IMPG2: variants seen among roughly 807,000 people sequenced by gnomAD.
IMPG2 encodes the protein interphotoreceptor matrix proteoglycan 2, also known as IPM 200.
Under a neutral mutation model 129.2 loss-of-function variants are expected in IMPG2, and 91 were observed. The ratio of observed to expected loss-of-function variants is 0.70; its 90% CI spans 0.59 to 0.84. IMPG2 has a LOEUF of 0.84. IMPG2 is among the 40% of genes least tolerant of loss of function. IMPG2 has a pLI of 0.00. For missense variants in IMPG2, 1,430 were observed against 1,461.7 expected (o/e 0.98, Z 0.35); for synonymous variants, 510 against 517.7 (o/e 0.99, Z 0.20).
chr3:101,291,450 C>A, intron 4 of IMPG2, 29 bp downstream of exon 4: 2 of 1,599,364 alleles, frequency 1.3e-6, no homozygotes, highest in Non-Finnish European at 1.7e-6. Flanking sequence ...TGTTGCCAAA[C>A]ATGAATTTTG....
In IMPG2 at chr3:101,243,631, C is replaced by T. The variant is rs200353662; in HGVS notation, c.2700G>A (p.Val900=). 9.5e-5 allele frequency: 154 copies of T among 1,613,908 alleles called. No individual in the cohort carries two copies. Among genetic ancestry groups the T allele is most frequent in the Middle Eastern group, 1.6e-4 (1 of 6,062 alleles). ...TAGTCACTCGGAGGCTGAAGAAAAC[C>T]ACCAAAGCTCCTGAAGTCTGGGTAT... ...LSYTQTSGAL[V]VFFSLRVTNM... The change falls in exon 13 of 19, where the codon GTG becomes GTA. Residue 900 remains valine (V), a synonymous_variant. Coordinates refer to ENST00000193391, the MANE Select transcript of IMPG2 (RefSeq NM_016247.4).
In IMPG2 at chr3:101,319,631, CTT is replaced by C; in HGVS notation, c.285_286del (p.Ser96CysfsTer13). On this transcript the variant is annotated frameshift_variant, in exon 2 of 19. Coordinates refer to ENST00000193391, the MANE Select transcript of IMPG2 (RefSeq NM_016247.4). LOFTEE classifies it high-confidence loss of function. ...ATGATTTGCCACAGCCTCTGCAACA[CTT>C]TCATCTGGGCAGATTTTCACTCCAT... 1 of 1,613,778 alleles carries C rather than the reference CTT, an allele frequency of 6.2e-7. No individual in the cohort carries two copies. The highest frequency in any genetic ancestry group is 8.5e-7 in the Non-Finnish European group (1 of 1,179,808).
chr3:101,303,176 A>G (rs186949999), intron 3 of IMPG2, among the ~76,000 whole-genome samples: 1 of 152,324 alleles, frequency 6.6e-6, no homozygotes, highest in African/African-American at 2.4e-5. Flanking sequence ...TATAAATTGT[A>G]CCAAGTAAAA....
intron 14 of IMPG2, among the ~76,000 whole-genome samples, chr3:101,236,700 C>A (rs1411306496): frequency 6.6e-6 from 1 of 152,186 alleles, no homozygotes; most frequent in Non-Finnish European, 1.5e-5. Flanking sequence ...GTCTTCGTAA[C>A]CTGCAGACCA....
rs145388804 is a variant in IMPG2 at position 101,319,753 on chromosome 3, G to T, written c.165C>A (p.Asp55Glu). 1.2e-6 allele frequency: 2 copies of T among 1,613,578 alleles called. No homozygotes were observed. The change falls in exon 2 of 19, where the codon GAC (aspartate) becomes GAA (glutamate). Residue 55 changes from aspartate (D) to glutamate (E), a missense_variant. Physicochemically the swap from Asp to Glu is conservative, Grantham distance 45. Transcript: ENST00000193391. ...GTTTCTTTTTGGTAGCTAGAGAAAGGTCTGTTGATTCTTCAGGCAGGAGAA... is the reference window on the plus strand; with the variant it reads ...GTTTCTTTTTGGTAGCTAGAGAAAGTTCTGTTGATTCTTCAGGCAGGAGAA... ...VSFLLPEEST[D>E]LSLATKKKQP...
chr3:101,270,401 G>A (rs981149794), intron 7 of IMPG2, among the ~76,000 whole-genome samples: 2 of 152,138 alleles, frequency 1.3e-5, no homozygotes, highest in Non-Finnish European at 2.9e-5. Context: ...CTTGTGGTCA[G>A]GTAACTCCGC....
Position 101,304,231 on chromosome 3 carries a change from T to C in IMPG2, c.416A>G (p.Asn139Ser). 1.2e-6 allele frequency: 2 copies of C among 1,613,912 alleles called. No individual in the cohort carries two copies. The highest frequency in any genetic ancestry group is 1.7e-6 in the Non-Finnish European group (2 of 1,179,792). ...ACTTGTGACTCCATCCTCACACAAATTCATCCAGTAATGATATTCCTCACG... is the reference window on the plus strand; with the variant it reads ...ACTTGTGACTCCATCCTCACACAAACTCATCCAGTAATGATATTCCTCACG... ...PGREEYHYWM[N>S]LCEDGVTSIF... is the part of the protein sequence containing the mutation. The change falls in exon 3 of 19, where the codon AAT becomes AGT. Residue 139 changes from asparagine (N) to serine (S), a missense_variant. Transcript: ENST00000193391.
At chr3:101,234,126 C>T (rs1339568219) in intron 14 of IMPG2, among the ~76,000 whole-genome samples, 1 of 149,992 alleles carries the variant, frequency 6.7e-6, no homozygotes, top group African/African-American at 2.5e-5. Context: ...TATGACCTTA[C>T]TTGGAAACAG....
Position 101,246,071 on chromosome 3 carries a change from T to A in IMPG2, c.1274A>T (p.Asp425Val). 2 of 1,614,090 alleles carry A rather than the reference T, an allele frequency of 1.2e-6. No individual in the cohort carries two copies. Among genetic ancestry groups the A allele is most frequent in the East Asian group, 4.5e-5 (2 of 44,874 alleles). Residue 425 changes from aspartate (D) to valine (V), a missense_variant, in exon 12 of 19, where the codon GAT becomes GTT. Asp to Val is a radical substitution (Grantham distance 152, BLOSUM62 -3). Coordinates refer to ENST00000193391, the MANE Select transcript of IMPG2 (RefSeq NM_016247.4). Reference protein sequence around the residue: ...NTFQAAWPSADESITSSIPPL... With the variant: ...NTFQAAWPSAVESITSSIPPL... Reference sequence around the variant, plus strand: ...TGGAATACTGCTGGTGATGGATTCATCTGCTGAGGGCCATGCAGCTTGAAA... The same window carrying A: ...TGGAATACTGCTGGTGATGGATTCAACTGCTGAGGGCCATGCAGCTTGAAA...
chr3:101,298,459 T>C (rs1707105289), intron 3 of IMPG2, among the ~76,000 whole-genome samples: 1 of 152,216 alleles, frequency 6.6e-6, no homozygotes, highest in South Asian at 2.1e-4. Flanking sequence ...TTGGTTATTT[T>C]TGCACACTAG....
At position 101,226,135 on chromosome 3, in the gene IMPG2, T is replaced by C. The variant is rs1436810088; in HGVS notation, c.*834A>G. 1 of 152,880 alleles carries C rather than the reference T, an allele frequency of 6.5e-6. No homozygotes were observed. Among genetic ancestry groups the C allele is most frequent in the Non-Finnish European group, 1.5e-5 (1 of 67,866 alleles). 9.5% of individuals were successfully genotyped at this position (152,880 alleles called of 1,614,324 possible). ...TCCAGCAATCAAGAAACAAAATATA[T>C]TCTCAGCACTGGGGTCTTGACCCGA... On this transcript the variant is annotated 3_prime_UTR_variant, in exon 19 of 19. Transcript: ENST00000193391.
chr3:101,270,111 A>G (rs1706765528), intron 7 of IMPG2, among the ~76,000 whole-genome samples: 1 of 151,494 alleles, frequency 6.6e-6, no homozygotes, highest in African/African-American at 2.4e-5. Flanking sequence ...CTAATTTTGT[A>G]TTTTTACTAG....
intron 2 of IMPG2, among the ~76,000 whole-genome samples, chr3:101,308,234 C>T (rs190950717): frequency 2.9e-4 from 44 of 152,268 alleles, no homozygotes; most frequent in Middle Eastern, 3.4e-3. Flanking sequence ...GGACAGTGAC[C>T]CTCTTCTCAT....
intron 9 of IMPG2, among the ~76,000 whole-genome samples, chr3:101,262,770 C>CAAAAAAAAAAAAAAAAAAAAAAA (rs200218148): frequency 7.7e-6 from 1 of 130,478 alleles, no homozygotes; most frequent in Non-Finnish European, 1.7e-5. Flanking sequence ...GAAAGGATAA[C>CAAAAAAAAAAAAAAAAAAAAAAA]AAAAAAAAAA....
chr3:101,257,533 G>C lies in IMPG2; in HGVS notation c.1149C>G (p.Ile383Met). 6.2e-7 allele frequency: 1 copy of C among 1,613,260 alleles called. No individual in the cohort carries two copies. Among genetic ancestry groups the C allele is most frequent in the East Asian group, 2.2e-5 (1 of 44,866 alleles). The change falls in exon 10 of 19, where the codon ATC becomes ATG. Residue 383 changes from isoleucine (I) to methionine (M), a missense_variant. Coordinates refer to ENST00000193391, the MANE Select transcript of IMPG2 (RefSeq NM_016247.4). ...CATGATGGATATCAAACTCACCATT[G>C]ATAAGCTGCAGGGAATCAGGATCTG... Reference protein sequence around the residue: ...LNPDPDSLQLINVRGVLRHQT... With the variant: ...LNPDPDSLQLMNVRGVLRHQT...
intron 9 of IMPG2, among the ~76,000 whole-genome samples, chr3:101,258,892 G>A (rs1229919721): frequency 6.6e-6 from 1 of 152,066 alleles, no homozygotes; most frequent in African/African-American, 2.4e-5. Context: ...TAATGTGATA[G>A]GTATTTTACA....
Position 101,319,623 on chromosome 3 carries a change from C to T in IMPG2, c.295G>A (p.Glu99Lys), listed in dbSNP as rs1339875350. The change falls in exon 2 of 19, where the codon GAG becomes AAG. Residue 99 changes from glutamate (E) to lysine (K), a missense_variant. By Grantham distance (56) the Glu-to-Lys change is moderately conservative. Transcript: ENST00000193391. Reference sequence around the variant, plus strand: ...TACTTCACATGATTTGCCACAGCCTCTGCAACACTTTCATCTGGGCAGATT... The same window carrying T: ...TACTTCACATGATTTGCCACAGCCTTTGCAACACTTTCATCTGGGCAGATT... Reference protein sequence around the residue: ...VKICPDESVAEAVANHVKYFK... With the variant: ...VKICPDESVAKAVANHVKYFK... The T allele has an allele frequency of 3.1e-6, 5 of 1,613,584 alleles. No homozygotes were observed. The highest frequency in any genetic ancestry group is 1.6e-4 in the Middle Eastern group (1 of 6,082).
intron 3 of IMPG2, among the ~76,000 whole-genome samples, chr3:101,292,729 T>C (rs1707033044): frequency 6.6e-6 from 1 of 152,246 alleles, no homozygotes; most frequent in African/African-American, 2.4e-5. Context: ...ACATTTTATC[T>C]AAAAGTCCTC....
At chr3:101,251,524 T>C (rs964441270) in intron 11 of IMPG2, among the ~76,000 whole-genome samples, 2 of 152,206 alleles carry the variant, frequency 1.3e-5, no homozygotes, top group African/African-American at 4.8e-5. Flanking sequence ...ATTTAACTTG[T>C]GCATTCTTTT....
Sources: allele counts gnomAD v4.1 joint callset (sites outside exome capture counted in the v4.1 genomes callset), GRCh38; gene constraint gnomAD v4.1.1; transcripts MANE v1.5; gene names NCBI Gene and HGNC (gene_info 2026-07-23, HGNC 2026-07-21).